The following ANKRD30A variants were observed in gnomAD, a reference collection of about 807,000 sequenced individuals.
ANKRD30A encodes the protein ankyrin repeat domain-containing protein 30A.
ANKRD30A carries 170 observed loss-of-function variants against 166.3 expected under a neutral mutation model. That is an observed-to-expected ratio of 1.02 (90% CI 0.90 to 1.16). The LOEUF (loss-of-function observed/expected upper bound fraction) is 1.16, where lower values mean the gene tolerates loss of function less well. Among genes scored for constraint, ANKRD30A ranks in the 50% most tolerant of loss-of-function variants. The probability of loss-of-function intolerance (pLI) is 0.00; values close to 1 mark genes in which losing one functional copy is unlikely to be tolerated. For missense variants in ANKRD30A, 1,630 were observed against 1,518.0 expected, an observed-to-expected ratio of 1.07 and a Z score of -1.23; for synonymous variants, 564 against 508.9, an observed-to-expected ratio of 1.11 and a Z score of -1.46.
chr10:37,141,744 G>A lies in ANKRD30A; in HGVS notation c.847G>A (p.Glu283Lys). 4 of 1,611,962 alleles carry A rather than the reference G, an allele frequency of 2.5e-6. No homozygotes were observed. Among genetic ancestry groups the A allele is most frequent in the Non-Finnish European group, 3.4e-6 (4 of 1,179,792 alleles). Residue 283 changes from glutamate to lysine, a missense_variant, in exon 7 of 36, where the codon GAG (glutamate) becomes AAG (lysine). Coordinates refer to ENST00000361713, the MANE Select transcript of ANKRD30A (RefSeq NM_052997.3). ...PEGTSAGTPD[E>K]AAPLAERTPD... ...AGGAACATCTGCAGGAACACCTGAT[G>A]AGGCTGCACCCTTGGCGGAAAGAAC...
intron 15 of ANKRD30A, among the ~76,000 whole-genome samples, chr10:37,159,028 T>G (rs1838615794): frequency 6.6e-6 from 1 of 152,122 alleles, no homozygotes. Flanking sequence ...ATTAGCTGAC[T>G]GTGTGTGTGA....
chr10:37,265,614 C>A, the ANKRD30A span, among the ~76,000 whole-genome samples: 1 of 152,212 alleles, frequency 6.6e-6, no homozygotes, highest in East Asian at 1.9e-4. Context: ...CAGATCAAGG[C>A]CAGTTTGCAC....
intron 13 of ANKRD30A, among the ~76,000 whole-genome samples, chr10:37,154,049 A>G (rs1464664421): frequency 6.6e-6 from 1 of 152,152 alleles, no homozygotes; most frequent in Non-Finnish European, 1.5e-5. Flanking sequence ...AAGATTGGGT[A>G]TTGTTAGAAA....
rs185983698 is a variant in ANKRD30A at position 37,193,558 on chromosome 10, G to C, written c.2614+300G>C. Among the ~76,000 whole-genome samples the C allele has an allele frequency of 1.1e-3, 160 of 152,124 alleles. 1 individual carries two copies. Among genetic ancestry groups the C allele is most frequent in the Middle Eastern group, 6.8e-3 (2 of 294 alleles). Reference sequence around the variant, plus strand: ...TGGTTTTAAGGTAGGTGAATTTTGAGACTGTGAAATATTTGCAGTGGTTCA... The same window carrying C: ...TGGTTTTAAGGTAGGTGAATTTTGACACTGTGAAATATTTGCAGTGGTTCA... On this transcript the variant is annotated intron_variant, in intron 27 of 35. Transcript: ENST00000361713.
At chr10:37,242,208 A>G in the ANKRD30A span, among the ~76,000 whole-genome samples, 19 of 152,194 alleles carry the variant, frequency 1.2e-4, no homozygotes, top group Non-Finnish European at 1.9e-4. Context: ...TTAGTAATGC[A>G]GAATGTTCTT....
At chr10:37,226,257 TC>T (rs1461811287) in intron 34 of ANKRD30A, among the ~76,000 whole-genome samples, 3 of 47,042 alleles carry the variant, frequency 6.4e-5, no homozygotes, top group African/African-American at 2.6e-4. Context: ...CCCTCCCCCC[TC>T]CCCCCACCCC....
intron 15 of ANKRD30A, among the ~76,000 whole-genome samples, chr10:37,159,988 C>G (rs1172078386): frequency 1.3e-5 from 2 of 152,144 alleles, no homozygotes; most frequent in Non-Finnish European, 2.9e-5. Flanking sequence ...CGTGAGGCAC[C>G]GTGCCCGGCC....
At chr10:37,166,104 C>T (rs1035312636) in intron 18 of ANKRD30A, among the ~76,000 whole-genome samples, 1 of 152,100 alleles carries the variant, frequency 6.6e-6, no homozygotes. Context: ...GCAGCTTTTT[C>T]AAATTCTGTA....
At chr10:37,201,982 A>G (rs1841653796) in intron 31 of ANKRD30A, among the ~76,000 whole-genome samples, 2 of 152,062 alleles carry the variant, frequency 1.3e-5, no homozygotes, top group African/African-American at 2.4e-5. Context: ...AACAATTCAC[A>G]CTGTGATTCA....
intron 31 of ANKRD30A, among the ~76,000 whole-genome samples, chr10:37,205,687 C>T (rs1841947109): frequency 6.6e-6 from 1 of 152,130 alleles, no homozygotes; most frequent in Non-Finnish European, 1.5e-5. Flanking sequence ...TGTGTTTTAT[C>T]TATTATTGGT....
chr10:37,239,709 T>A, the ANKRD30A span, among the ~76,000 whole-genome samples: 4 of 152,090 alleles, frequency 2.6e-5, no homozygotes, highest in Admixed American at 1.3e-4. Flanking sequence ...TATTTGTAAT[T>A]TTTTCTCAGG....
rs183920559 is a variant in ANKRD30A at position 37,224,303 on chromosome 10, A to G, written c.4185+4406A>G. Among the ~76,000 whole-genome samples, 991 of 151,242 alleles carry G rather than the reference A, an allele frequency of 6.6e-3. 5 individuals carry two copies. The highest frequency in any genetic ancestry group is 0.014 in the Middle Eastern group (4 of 294). On this transcript the variant is annotated intron_variant, in intron 34 of 35. Transcript: ENST00000361713. ...TAAAAATATGTCTTTGTTATTTTTAAACATCATCAAAAATTATCTTGATTA... is the reference window on the plus strand; with the variant it reads ...TAAAAATATGTCTTTGTTATTTTTAGACATCATCAAAAATTATCTTGATTA...
intron 24 of ANKRD30A, among the ~76,000 whole-genome samples, chr10:37,183,421 G>A (rs1234266229): frequency 2.0e-5 from 3 of 146,396 alleles, no homozygotes; most frequent in African/African-American, 7.4e-5. Context: ...AAATGCATAA[G>A]GTTTTAAAGT....
In ANKRD30A at chr10:37,142,305, C is replaced by T. The variant is rs746867768; in HGVS notation, c.1393+15C>T. The T allele has an allele frequency of 4.8e-5, 75 of 1,568,206 alleles. No individual in the cohort carries two copies. Among genetic ancestry groups the T allele is most frequent in the South Asian group, 1.8e-4 (15 of 81,966 alleles). On this transcript the variant is annotated intron_variant, in intron 7 of 35. Transcript: ENST00000361713. ...AAGTGCCAATGGTAAGATGCTAGAG[C>T]GAACTTTGTAAGGTTTATTGGCACT... is the stretch of plus-strand genomic sequence containing the variant.
chr10:37,166,506 A>T (rs1447525066), intron 18 of ANKRD30A, 99 bp from the exon 19 acceptor site: 7 of 1,155,810 alleles, frequency 6.1e-6, no homozygotes, highest in Non-Finnish European at 8.3e-6. Context: ...GCAAAGGAGG[A>T]AATTGTGTTT....
At chr10:37,157,191 C>T (rs1838450840) in intron 13 of ANKRD30A, among the ~76,000 whole-genome samples, 1 of 152,124 alleles carries the variant, frequency 6.6e-6, no homozygotes, top group Admixed American at 6.6e-5. Flanking sequence ...AGAGCTTATT[C>T]ATAACAATAG....
intron 3 of ANKRD30A, among the ~76,000 whole-genome samples, chr10:37,131,067 A>G (rs1387378569): frequency 6.6e-6 from 1 of 152,168 alleles, no homozygotes; most frequent in Non-Finnish European, 1.5e-5. Flanking sequence ...ATTTTTCTGT[A>G]TATAAACTAT....
intron 34 of ANKRD30A, among the ~76,000 whole-genome samples, chr10:37,230,767 G>A (rs1843380445): frequency 1.3e-5 from 2 of 151,962 alleles, no homozygotes; most frequent in South Asian, 4.1e-4. Flanking sequence ...AAGCATCCTT[G>A]TGAAATGGGG....
In ANKRD30A at chr10:37,162,829, T is replaced by C. The variant is rs1481363699; in HGVS notation, c.1983T>C (p.Asn661=). The part of the protein sequence containing the change: ...SVPNKALELK[N]EQTLRADEIL... ...CAAATAAAGCCTTGGAATTGAAAAA[T>C]GAACAAACATTGAGAGCAGGTAAAT... Residue 661 remains asparagine (N), a synonymous_variant, in exon 17 of 36, where the codon AAT becomes AAC. Coordinates refer to ENST00000361713, the MANE Select transcript of ANKRD30A (RefSeq NM_052997.3). The C allele has an allele frequency of 6.2e-7, 1 of 1,613,548 alleles. No homozygotes were observed. Among genetic ancestry groups the C allele is most frequent in the Admixed American group, 1.7e-5 (1 of 59,958 alleles).
Sources: gnomAD v4.1 joint callset for allele counts (sites outside exome capture counted in the v4.1 genomes callset) on GRCh38, gnomAD v4.1.1 for gene constraint, MANE v1.5 for transcripts, NCBI Gene and HGNC (gene_info 2026-07-23, HGNC 2026-07-21) for gene names.